The following NELL1 variants were observed in gnomAD, a reference collection of about 807,000 sequenced individuals.
NELL1 encodes the protein neural EGFL like 1, also known as protein kinase C-binding protein NELL1.
In NELL1, 76 loss-of-function variants were observed where a neutral mutation model predicts 107.4. The observed-to-expected ratio is 0.71, with a 90% CI of 0.59 to 0.86. The LOEUF is 0.86. Among genes scored for constraint, NELL1 ranks in the 40% least tolerant of loss-of-function variants. The pLI is 0.00. For missense variants in NELL1, 1,024 were observed against 1,005.5 expected (o/e 1.02, Z -0.25); for synonymous variants, 353 against 341.2 (o/e 1.03, Z -0.38).
intron 16 of NELL1, among the ~76,000 whole-genome samples, chr11:21,543,926 A>G (rs1856362361): frequency 6.6e-6 from 1 of 151,982 alleles, no homozygotes; most frequent in Non-Finnish European, 1.5e-5. Context: ...GAGTTTCTAA[A>G]CATTTCTGGG....
At chr11:21,023,680 G>A (rs1156905451) in intron 12 of NELL1, among the ~76,000 whole-genome samples, 2 of 151,974 alleles carry the variant, frequency 1.3e-5, no homozygotes, top group African/African-American at 4.8e-5. Context: ...AGTAGGCAGT[G>A]TGCAGCCCTG....
intron 15 of NELL1, among the ~76,000 whole-genome samples, chr11:21,498,831 T>A (rs1264034008): frequency 2.6e-5 from 4 of 152,052 alleles, no homozygotes; most frequent in Non-Finnish European, 5.9e-5. Context: ...TTTTACACTT[T>A]TCAACCTGAC....
chr11:21,201,078 T>G (rs557951744), intron 13 of NELL1, among the ~76,000 whole-genome samples: 22 of 152,282 alleles, frequency 1.4e-4, no homozygotes, highest in African/African-American at 5.3e-4. Context: ...GCTTCCAGCT[T>G]TGTTCTTTTT....
chr11:21,468,991 T>G (rs1161250811), intron 15 of NELL1, among the ~76,000 whole-genome samples: 4 of 66,974 alleles, frequency 6.0e-5, no homozygotes, highest in Admixed American at 1.8e-4. Flanking sequence ...ATTCTGGGTG[T>G]TTTTTTTGTT....
intron 2 of NELL1, among the ~76,000 whole-genome samples, chr11:20,700,143 C>CAA (rs374766865): frequency 2.0e-5 from 3 of 151,664 alleles, no homozygotes; most frequent in Non-Finnish European, 4.4e-5. Flanking sequence ...AAAACAAAAA[C>CAA]AAAACAGAGC....
At position 21,522,053 on chromosome 11, in the gene NELL1, C is replaced by T. The variant is rs1393188097; in HGVS notation, c.1646-12321C>T. Among the ~76,000 whole-genome samples the T allele has an allele frequency of 2.6e-5, 4 of 152,064 alleles. No individual in the cohort carries two copies. The East Asian group carries it at 7.7e-4, about 29-fold the overall frequency. ...TATTTTCTTCCATTCTGCAGACTGT[C>T]TCTTCACTCTGTTGTGCCCAAAGGA... is the stretch of plus-strand genomic sequence containing the variant. On this transcript the variant is annotated intron_variant, in intron 15 of 19. Coordinates refer to ENST00000357134, the MANE Select transcript of NELL1 (RefSeq NM_006157.5).
At chr11:21,463,707 C>A (rs1313543035) in intron 15 of NELL1, among the ~76,000 whole-genome samples, 1 of 152,090 alleles carries the variant, frequency 6.6e-6, no homozygotes, top group Non-Finnish European at 1.5e-5. Context: ...GTATAACAAA[C>A]CACTCACTAC....
At chr11:21,499,477 T>G (rs2133929499) in intron 15 of NELL1, among the ~76,000 whole-genome samples, 1 of 152,234 alleles carries the variant, frequency 6.6e-6, no homozygotes, top group East Asian at 1.9e-4. Context: ...TGTCATTTGG[T>G]GTTTGGTAAA....
At chr11:21,161,806 A>G (rs1470175031) in intron 13 of NELL1, among the ~76,000 whole-genome samples, 1 of 152,026 alleles carries the variant, frequency 6.6e-6, no homozygotes, top group Non-Finnish European at 1.5e-5. Flanking sequence ...GAAAGCTGGT[A>G]TGTATTTTAT....
chr11:21,164,139 G>A (rs1308461024), intron 13 of NELL1, among the ~76,000 whole-genome samples: 1 of 152,178 alleles, frequency 6.6e-6, no homozygotes, highest in Admixed American at 6.5e-5. Flanking sequence ...GGGAATATAA[G>A]TTTCTGTTGT....
At chr11:21,080,648 T>C (rs1401287057) in intron 12 of NELL1, among the ~76,000 whole-genome samples, 2 of 152,110 alleles carry the variant, frequency 1.3e-5, no homozygotes, top group Non-Finnish European at 2.9e-5. Context: ...TGAATAAACT[T>C]GTACCTATCT....
chr11:21,248,721 C>T (rs751377633), intron 14 of NELL1, among the ~76,000 whole-genome samples: 5 of 152,158 alleles, frequency 3.3e-5, no homozygotes, highest in Non-Finnish European at 5.9e-5. Flanking sequence ...CACCCGTGCT[C>T]GCTTTCAGTC....
chr11:20,843,471 T>C (rs1390496120), intron 3 of NELL1, among the ~76,000 whole-genome samples: 1 of 151,702 alleles, frequency 6.6e-6, no homozygotes, highest in Non-Finnish European at 1.5e-5. Flanking sequence ...AAAATTAACT[T>C]TTACTGTTTT....
At chr11:21,565,533 C>T (rs1486223433) in intron 17 of NELL1, among the ~76,000 whole-genome samples, 1 of 151,854 alleles carries the variant, frequency 6.6e-6, no homozygotes. Context: ...TTGCATTTTT[C>T]AGTAGTTCCC....
chr11:21,328,382 T>C (rs1292165521), intron 14 of NELL1, among the ~76,000 whole-genome samples: 2 of 152,128 alleles, frequency 1.3e-5, no homozygotes, highest in East Asian at 1.9e-4. Context: ...AAGTCAAGAA[T>C]TGAGGTTTGG....
rs138611279 is a variant in NELL1 at position 21,347,166 on chromosome 11, C to T, written c.1550-23687C>T. Among the ~76,000 whole-genome samples, 5 of 152,132 alleles carry T rather than the reference C, an allele frequency of 3.3e-5. No homozygotes were observed. In the East Asian group the frequency reaches 5.8e-4, roughly 18 times the overall value. ...AATCCTAGGTCATGCAAGGCATTTC[C>T]GAGGAGTTGACATTTGAGTGGAGAA... is the stretch of plus-strand genomic sequence containing the variant. On this transcript the variant is annotated intron_variant, in intron 14 of 19. Coordinates refer to ENST00000357134, the MANE Select transcript of NELL1 (RefSeq NM_006157.5).
chr11:21,101,807 G>A (rs1241212862), intron 12 of NELL1, among the ~76,000 whole-genome samples: 2 of 152,098 alleles, frequency 1.3e-5, no homozygotes, highest in Non-Finnish European at 2.9e-5. Context: ...CACTCTGATG[G>A]TAGTTTATTT....
At chr11:20,673,929 T>A (rs1176173243) in intron 1 of NELL1, among the ~76,000 whole-genome samples, 3 of 152,084 alleles carry the variant, frequency 2.0e-5, no homozygotes, top group Non-Finnish European at 4.4e-5. Flanking sequence ...GTTTTCTGAT[T>A]CCCTAGGCAG....
chr11:21,137,818 C>T (rs1855778220), intron 13 of NELL1, among the ~76,000 whole-genome samples: 1 of 152,140 alleles, frequency 6.6e-6, no homozygotes, highest in South Asian at 2.1e-4. Flanking sequence ...AAGAGGGGGT[C>T]TATTGTTAAA....
Sources: allele counts gnomAD v4.1 joint callset (sites outside exome capture counted in the v4.1 genomes callset), GRCh38; gene constraint gnomAD v4.1.1; transcripts MANE v1.5; gene names NCBI Gene and HGNC (gene_info 2026-07-23, HGNC 2026-07-21).